NPHP1: variants seen among roughly 807,000 people sequenced by gnomAD.
NPHP1 encodes the protein nephrocystin 1.
A neutral mutation model predicts 90.4 loss-of-function variants in NPHP1; 70 were observed. The observed-to-expected ratio is 0.77, with a 90% CI of 0.64 to 0.95. The LOEUF is 0.95. Ranked by LOEUF, NPHP1 falls within the 40% of genes least tolerant of loss-of-function variation. The probability of loss-of-function intolerance (pLI) is 0.00; values close to 1 mark genes in which losing one functional copy is unlikely to be tolerated. For missense variants in NPHP1, 764 were observed against 795.9 expected (o/e 0.96, Z 0.48); for synonymous variants, 256 against 271.7 (o/e 0.94, Z 0.57).
chr2:110,198,033 A>G (rs76249404), intron 2 of NPHP1, among the ~76,000 whole-genome samples: 1 of 152,228 alleles, frequency 6.6e-6, no homozygotes, highest in African/African-American at 2.4e-5. Flanking sequence ...AAACCCCACA[A>G]AAAATGATTA....
chr2:110,179,650 TATTTTC>T lies in NPHP1; in HGVS notation c.172_177del (p.Glu58_Asn59del). ...TTGCTTAATTTTTGAAGAGCATTTT[TATTTTC>T]ATCTATTGCCTGCTTTAACTGGATA... is the stretch of plus-strand genomic sequence containing the variant. On this transcript the variant is annotated inframe_deletion, in exon 3 of 20. Transcript: ENST00000445609. 7.2e-7 allele frequency: 1 copy of T among 1,380,680 alleles called. No individual in the cohort carries two copies. The highest frequency in any genetic ancestry group is 1.2e-5 in the South Asian group (1 of 86,042). 85.5% of individuals were successfully genotyped at this position (1,380,680 alleles called of 1,614,324 possible).
intron 2 of NPHP1, among the ~76,000 whole-genome samples, chr2:110,183,273 A>C (rs777201066): frequency 2.0e-4 from 31 of 152,144 alleles, no homozygotes; most frequent in Non-Finnish European, 2.9e-4. Flanking sequence ...AGGGAAAGGA[A>C]CACCTGGCCC....
intron 16 of NPHP1, among the ~76,000 whole-genome samples, chr2:110,132,384 G>C (rs554131103): frequency 6.6e-6 from 1 of 152,192 alleles, no homozygotes; most frequent in Non-Finnish European, 1.5e-5. Context: ...GCTGGGCATG[G>C]TGGCTCACAC....
At chr2:110,184,679 G>A (rs529518836) in intron 2 of NPHP1, 25 of 741,146 alleles carry the variant, frequency 3.4e-5, no homozygotes, top group East Asian at 1.1e-4. Flanking sequence ...TCCACTCATC[G>A]TTTGAGATTT....
intron 14 of NPHP1, among the ~76,000 whole-genome samples, chr2:110,146,232 AT>A (rs1681036330): frequency 6.6e-6 from 1 of 152,004 alleles, no homozygotes; most frequent in Non-Finnish European, 1.5e-5. Flanking sequence ...TTTCTTATTA[AT>A]TTTTGAGAGT....
Position 110,178,297 on chromosome 2 carries a change from T to C in NPHP1, c.329+126A>G. 3.2e-6 allele frequency: 3 copies of C among 928,448 alleles called. No individual in the cohort carries two copies. The South Asian group carries it at 4.3e-5, about 13-fold the overall frequency. The allele number at this position is 928,448 out of a possible 1,614,324, so 57.5% of individuals were successfully genotyped here. Reference sequence around the variant, plus strand: ...TTCTATTATACACAATAAATAAATGTTGACTGATTCTATTGTTAGTGTCAT... The same window carrying C: ...TTCTATTATACACAATAAATAAATGCTGACTGATTCTATTGTTAGTGTCAT... On this transcript the variant is annotated intron_variant, in intron 4 of 19. Coordinates refer to ENST00000445609, the MANE Select transcript of NPHP1 (RefSeq NM_001128178.3).
intron 16 of NPHP1, among the ~76,000 whole-genome samples, chr2:110,137,253 CAT>C: frequency 6.6e-6 from 1 of 152,258 alleles, no homozygotes; most frequent in East Asian, 1.9e-4. Context: ...TCATTCAGGA[CAT>C]AGGCATGGGC....
intron 16 of NPHP1, among the ~76,000 whole-genome samples, chr2:110,137,875 C>T (rs566641967): frequency 6.6e-6 from 1 of 150,886 alleles, no homozygotes; most frequent in South Asian, 2.1e-4. Context: ...CACATGCACA[C>T]GTATGTTTAT....
chr2:110,150,377 T>G, intron 11 of NPHP1, 121 bp from the exon 12 acceptor site: 1 of 870,280 alleles, frequency 1.1e-6, no homozygotes, highest in Non-Finnish European at 1.9e-6. Flanking sequence ...GGGAGAACTT[T>G]CACTTTTTAC....
intron 2 of NPHP1, among the ~76,000 whole-genome samples, chr2:110,192,731 G>A (rs1440547553): frequency 6.6e-6 from 1 of 152,078 alleles, no homozygotes; most frequent in East Asian, 1.9e-4. Flanking sequence ...TGAAATGAAG[G>A]AAAAAATGTT....
chr2:110,123,774 G>A lies in NPHP1; in HGVS notation c.*17C>T, dbSNP rs773110367. The A allele has an allele frequency of 6.8e-6, 11 of 1,612,838 alleles. No individual in the cohort carries two copies. The highest frequency in any genetic ancestry group is 9.3e-6 in the Non-Finnish European group (11 of 1,179,478). On this transcript the variant is annotated 3_prime_UTR_variant, in exon 20 of 20. Coordinates refer to ENST00000445609, the MANE Select transcript of NPHP1 (RefSeq NM_001128178.3). The stretch of plus-strand genomic sequence containing the variant: ...CATCTGATTCCGTGGGAAGCTGAGG[G>A]CTAGAGGCTGCCACTGTCACACTGC...
At chr2:110,198,909 C>T (rs1016903437) in intron 2 of NPHP1, among the ~76,000 whole-genome samples, 1 of 151,426 alleles carries the variant, frequency 6.6e-6, no homozygotes, top group East Asian at 1.9e-4. Context: ...AAACCGGCAA[C>T]GTGAAGATAA....
intron 2 of NPHP1, among the ~76,000 whole-genome samples, chr2:110,192,899 C>T (rs1333656695): frequency 2.0e-5 from 3 of 152,038 alleles, no homozygotes; most frequent in African/African-American, 7.2e-5. Flanking sequence ...TCATATCCAG[C>T]CAAACTAAGC....
chr2:110,193,826 T>A (rs1382149983), intron 2 of NPHP1, among the ~76,000 whole-genome samples: 1 of 152,032 alleles, frequency 6.6e-6, no homozygotes, highest in Non-Finnish European at 1.5e-5. Flanking sequence ...CAAAGTGCAA[T>A]CAAACTAGAA....
chr2:110,184,711 G>T, intron 2 of NPHP1: 1 of 721,174 alleles, frequency 1.4e-6, no homozygotes, highest in African/African-American at 1.7e-5. Context: ...TTGAGTTTGA[G>T]ATTGTCAAGG....
chr2:110,184,199 G>A (rs560713328), intron 2 of NPHP1: 6 of 566,936 alleles, frequency 1.1e-5, no homozygotes, highest in South Asian at 8.4e-5. Context: ...TTCGTATCAT[G>A]GCAGGAGCCC....
At chr2:110,197,582 A>T (rs572888386) in intron 2 of NPHP1, among the ~76,000 whole-genome samples, 1 of 152,246 alleles carries the variant, frequency 6.6e-6, no homozygotes, top group African/African-American at 2.4e-5. Flanking sequence ...ACCAGGCATG[A>T]AAAGAATCTC....
intron 14 of NPHP1, among the ~76,000 whole-genome samples, chr2:110,145,122 G>A (rs908446326): frequency 9.2e-5 from 14 of 151,962 alleles, no homozygotes; most frequent in African/African-American, 2.7e-4. Context: ...GTATAAACAC[G>A]GTGAATTTCA....
chr2:110,182,938 G>A (rs1382639240), intron 2 of NPHP1, among the ~76,000 whole-genome samples: 1 of 151,968 alleles, frequency 6.6e-6, no homozygotes, highest in Admixed American at 6.6e-5. Flanking sequence ...CAAAATAAAG[G>A]GATGGAGGAA....
Sources: allele counts gnomAD v4.1 joint callset (sites outside exome capture counted in the v4.1 genomes callset), GRCh38; gene constraint gnomAD v4.1.1; transcripts MANE v1.5; gene names NCBI Gene and HGNC (gene_info 2026-07-23, HGNC 2026-07-21).